The following CGGBP1 variants were observed in gnomAD, a reference collection of about 807,000 sequenced individuals.
CGGBP1 encodes CGG triplet repeat binding protein 1, also known as CGG triplet repeat-binding protein 1.
A neutral mutation model predicts 11.4 loss-of-function variants in CGGBP1; 4 were observed. That is an observed-to-expected ratio of 0.35 (90% CI 0.17 to 0.80). CGGBP1 has a LOEUF of 0.80. Ranked by LOEUF, CGGBP1 falls within the 30% of genes least tolerant of loss-of-function variation. CGGBP1 has a pLI of 0.52. For missense variants in CGGBP1, 135 were observed against 202.1 expected, an observed-to-expected ratio of 0.67 and a Z score of 2.01; for synonymous variants, 76 against 74.1, an observed-to-expected ratio of 1.03 and a Z score of -0.13.
intron 2 of CGGBP1, among the ~76,000 whole-genome samples, chr3:88,120,559 A>G (rs1432668364): frequency 4.6e-5 from 7 of 152,142 alleles, no homozygotes; most frequent in Non-Finnish European, 1.5e-5. Context: ...ATGATAATCA[A>G]TAGAAGACAA....
intron 1 of CGGBP1, chr3:88,142,751 G>T (rs1707192989): frequency 6.6e-6 from 1 of 152,048 alleles, no homozygotes; most frequent in Non-Finnish European, 1.5e-5. Context: ...GATGACTCTG[G>T]TCTGAACAGT....
At chr3:88,066,936 T>A (rs985741128) in intron 2 of CGGBP1, among the ~76,000 whole-genome samples, 4 of 152,336 alleles carry the variant, frequency 2.6e-5, no homozygotes, top group African/African-American at 7.2e-5. Context: ...GTTAAAGATA[T>A]TAGGAGATGG....
At chr3:88,135,222 C>T (rs1224139727) in intron 2 of CGGBP1, 12 of 1,410,302 alleles carry the variant, frequency 8.5e-6, no homozygotes, top group Non-Finnish European at 1.1e-5. Flanking sequence ...ATATATTTGT[C>T]CCTTAAATTT....
At chr3:88,096,902 C>T (rs2107699638) in intron 2 of CGGBP1, among the ~76,000 whole-genome samples, 1 of 152,128 alleles carries the variant, frequency 6.6e-6, no homozygotes. Context: ...AGAAAAAAAC[C>T]TCATATTATC....
intron 2 of CGGBP1, chr3:88,086,489 C>T: frequency 8.5e-7 from 1 of 1,170,896 alleles, no homozygotes; most frequent in South Asian, 2.3e-5. Context: ...GAAGAAGAAA[C>T]CTTTCCTAAA....
At chr3:88,142,487 T>C (rs1285164689) in intron 1 of CGGBP1, 1 of 152,370 alleles carries the variant, frequency 6.6e-6, no homozygotes, top group Non-Finnish European at 1.5e-5. Flanking sequence ...AAACACTGAA[T>C]TGCAAATTAT....
chr3:88,052,917 TG>T lies in CGGBP1; in HGVS notation c.*2555del, dbSNP rs1706459888. 2 of 152,616 alleles carry T rather than the reference TG, an allele frequency of 1.3e-5. No homozygotes were observed. 9.5% of individuals were successfully genotyped at this position (152,616 alleles called of 1,614,324 possible). On this transcript the variant is annotated 3_prime_UTR_variant, in exon 4 of 4. Transcript: ENST00000482016. Reference sequence around the variant, plus strand: ...GGAAATATTTACTGTAAGCATATTGTGAAATTCTGGAAGACATACTATCAAT... The same window carrying T: ...GGAAATATTTACTGTAAGCATATTGTAAATTCTGGAAGACATACTATCAAT...
chr3:88,064,828 T>C (rs1022270570), intron 2 of CGGBP1, among the ~76,000 whole-genome samples: 2 of 152,248 alleles, frequency 1.3e-5, no homozygotes, highest in African/African-American at 4.8e-5. Context: ...ATCTGTCACA[T>C]TTAACTAGAA....
chr3:88,063,617 T>A (rs781688517), upstream of CGGBP1, among the ~76,000 whole-genome samples: 1 of 152,206 alleles, frequency 6.6e-6, no homozygotes, highest in African/African-American at 2.4e-5. Flanking sequence ...GGATTATTTT[T>A]AATTTATCTT....
At chr3:88,095,545 C>T in intron 2 of CGGBP1, 1 of 510,190 alleles carries the variant, frequency 2.0e-6, no homozygotes. Flanking sequence ...AGGTCTGCTT[C>T]ATCTGTCTTT....
At chr3:88,125,918 T>A (rs778151844) in intron 2 of CGGBP1, among the ~76,000 whole-genome samples, 6 of 152,188 alleles carry the variant, frequency 3.9e-5, no homozygotes, top group Non-Finnish European at 8.8e-5. Context: ...ATTTTCTAAG[T>A]CCAGTTATAC....
At position 88,055,770 on chromosome 3, in the gene CGGBP1, C is replaced by T. The variant is rs956631930; in HGVS notation, c.207G>A (p.Lys69=). 1.9e-6 allele frequency: 3 copies of T among 1,614,108 alleles called. No homozygotes were observed. The highest frequency in any genetic ancestry group is 2.7e-5 in the African/African-American group (2 of 74,930). The part of the protein sequence containing the change: ...SDHLKSKTHT[K]RKAEFEEQNV... ...TCTGCTCTTCAAATTCTGCCTTCCT[C>T]TTGGTATGAGTCTTTGACTTGAGGT... The change falls in exon 4 of 4, where the codon AAG becomes AAA. Residue 69 remains lysine, a synonymous_variant. Transcript: ENST00000482016. This position sits in a 1 kb window ranked among gnomAD's most constrained non-coding sequence, Gnocchi z 4.2.
intron 2 of CGGBP1, chr3:88,140,779 C>G: frequency 6.2e-7 from 1 of 1,613,724 alleles, no homozygotes; most frequent in South Asian, 1.1e-5. Flanking sequence ...AGTGAACATA[C>G]TTCATATGGC....
chr3:88,128,342 T>A (rs934659656), intron 2 of CGGBP1, among the ~76,000 whole-genome samples: 1 of 152,156 alleles, frequency 6.6e-6, no homozygotes, highest in Non-Finnish European at 1.5e-5. Flanking sequence ...ATTCAACTTT[T>A]TCATTAATTC....
chr3:88,126,809 A>C (rs1183923487), intron 2 of CGGBP1, among the ~76,000 whole-genome samples: 1 of 152,122 alleles, frequency 6.6e-6, no homozygotes, highest in African/African-American at 2.4e-5. Flanking sequence ...TGAGTGAATA[A>C]GTGACTAACT....
intron 2 of CGGBP1, among the ~76,000 whole-genome samples, chr3:88,094,262 T>C (rs1244589227): frequency 1.3e-5 from 2 of 152,144 alleles, no homozygotes; most frequent in African/African-American, 4.8e-5. Flanking sequence ...TTGTTTGTAT[T>C]GGCCATCGTT....
intron 2 of CGGBP1, among the ~76,000 whole-genome samples, chr3:88,103,189 C>A (rs6551271): frequency 0.78 from 119,073 of 151,954 alleles, 47,558 homozygotes; most frequent in South Asian, 0.91. Flanking sequence ...AAAGAGACCC[C>A]CTATTAAGAG....
chr3:88,057,772 C>T (rs543461083), intron 2 of CGGBP1: 1 of 152,266 alleles, frequency 6.6e-6, no homozygotes, highest in East Asian at 1.9e-4. Flanking sequence ...ATGTGAAAGG[C>T]CTATACTTTC....
At chr3:88,058,263 G>C (rs902789775) in intron 1 of CGGBP1, 40 bp from the exon 2 acceptor site, 17 of 152,432 alleles carry the variant, frequency 1.1e-4, no homozygotes, top group African/African-American at 3.4e-4. Context: ...AAAAATGGGG[G>C]ACGGAAGGAG....
Sources: allele counts gnomAD v4.1 joint callset (sites outside exome capture counted in the v4.1 genomes callset), GRCh38; gene constraint gnomAD v4.1.1; non-coding constraint Gnocchi (gnomAD v3.1); transcripts MANE v1.5; gene names NCBI Gene and HGNC (gene_info 2026-07-23, HGNC 2026-07-21).